USP34: variants seen among roughly 807,000 people sequenced by gnomAD.
USP34 encodes ubiquitin specific peptidase 34.
USP34 carries 70 observed loss-of-function variants against 460.3 expected under a neutral mutation model. The ratio of observed to expected loss-of-function variants is 0.15; its 90% confidence interval spans 0.13 to 0.19. The LOEUF (loss-of-function observed/expected upper bound fraction) is 0.19, where lower values mean the gene tolerates loss of function less well. USP34 is among the 10% of genes least tolerant of loss of function. The pLI, the probability that USP34 is intolerant of heterozygous loss-of-function variation, is 1.00. For missense variants in USP34, 3,985 were observed against 4,236.2 expected (o/e 0.94, Z 1.65); for synonymous variants, 1,647 against 1,405.3 (o/e 1.17, Z -3.85).
chr2:61,395,773 G>A (rs1450654000), intron 3 of USP34, among the ~76,000 whole-genome samples: 1 of 102,202 alleles, frequency 9.8e-6, no homozygotes, highest in African/African-American at 4.2e-5. Flanking sequence ...GCGACAGAAC[G>A]AGACTCCGTC....
intron 62 of USP34, 78 bp from the exon 63 acceptor site, chr2:61,223,374 ATTG>A: frequency 7.2e-7 from 1 of 1,390,310 alleles, no homozygotes; most frequent in Non-Finnish European, 9.9e-7. Context: ...TGTATCAAAA[ATTG>A]TTGATTCAAT....
chr2:61,440,947 G>A (rs1224660601), intron 1 of USP34, among the ~76,000 whole-genome samples: 3 of 151,564 alleles, frequency 2.0e-5, no homozygotes, highest in African/African-American at 7.3e-5. Context: ...CTAACACGGT[G>A]AAACCCCGTC....
At chr2:61,369,161 T>A (rs756022128) in intron 10 of USP34, among the ~76,000 whole-genome samples, 6 of 152,174 alleles carry the variant, frequency 3.9e-5, no homozygotes, top group Non-Finnish European at 5.9e-5. Flanking sequence ...TAATTTAATG[T>A]GCTGACAAAA....
At chr2:61,340,214 A>C (rs1006752620) in intron 16 of USP34, among the ~76,000 whole-genome samples, 5 of 129,862 alleles carry the variant, frequency 3.9e-5, no homozygotes, top group Non-Finnish European at 8.6e-5. Flanking sequence ...TTAAAAAAAA[A>C]CTTAACACTA....
intron 2 of USP34, among the ~76,000 whole-genome samples, chr2:61,419,491 A>C (rs979179365): frequency 2.0e-5 from 3 of 152,324 alleles, no homozygotes; most frequent in Non-Finnish European, 2.9e-5. Context: ...TTGGTTAAAA[A>C]TTCTTAATAC....
intron 12 of USP34, among the ~76,000 whole-genome samples, chr2:61,349,869 A>C (rs1356117730): frequency 6.8e-6 from 1 of 146,352 alleles, no homozygotes; most frequent in East Asian, 2.0e-4. Flanking sequence ...CAACAACAAC[A>C]AAAAAACCCC....
intron 43 of USP34, among the ~76,000 whole-genome samples, chr2:61,262,117 ATATAT>A (rs1412957829): frequency 4.4e-5 from 2 of 45,150 alleles, no homozygotes; most frequent in African/African-American, 1.1e-4. Context: ...AAAAAAAAAA[ATATAT>A]ATATATATAT....
chr2:61,309,763 A>G (rs1427257660), intron 27 of USP34, among the ~76,000 whole-genome samples: 2 of 152,204 alleles, frequency 1.3e-5, no homozygotes, highest in South Asian at 2.1e-4. Flanking sequence ...TTCTATGAAG[A>G]TACTACTGTT....
intron 16 of USP34, among the ~76,000 whole-genome samples, chr2:61,343,000 G>C (rs1691653094): frequency 1.3e-5 from 2 of 152,134 alleles, no homozygotes; most frequent in African/African-American, 4.8e-5. Flanking sequence ...AACCTAGACA[G>C]ATCATGTACA....
At chr2:61,331,900 C>T (rs1013825795) in intron 19 of USP34, among the ~76,000 whole-genome samples, 3 of 151,930 alleles carry the variant, frequency 2.0e-5, no homozygotes, top group Non-Finnish European at 4.4e-5. Flanking sequence ...TCCATAACTT[C>T]CATAATTAAC....
chr2:61,317,868 C>T, intron 22 of USP34, 101 bp from the exon 23 acceptor site: 1 of 782,918 alleles, frequency 1.3e-6, no homozygotes, highest in Non-Finnish European at 2.0e-6. Flanking sequence ...TAGAAGGAAA[C>T]AGATCAGTTT....
At chr2:61,282,866 T>C (rs1048664659) in intron 37 of USP34, among the ~76,000 whole-genome samples, 2 of 152,120 alleles carry the variant, frequency 1.3e-5, no homozygotes, top group South Asian at 2.1e-4. Flanking sequence ...TCTCAAGCCC[T>C]TCCTACTACC....
At chr2:61,365,292 C>CACACACA (rs754663268) in intron 10 of USP34, among the ~76,000 whole-genome samples, 2 of 142,096 alleles carry the variant, frequency 1.4e-5, no homozygotes, top group African/African-American at 5.4e-5. Flanking sequence ...CACACACACA[C>CACACACA]GTGTGTTTAT....
At chr2:61,254,211 T>TC (rs2103889514) in intron 48 of USP34, among the ~76,000 whole-genome samples, 2 of 152,378 alleles carry the variant, frequency 1.3e-5, no homozygotes, top group South Asian at 4.1e-4. Flanking sequence ...TTGATTATTT[T>TC]CTTCTTGAGA....
chr2:61,251,119 TCAAG>T (rs764314504), intron 48 of USP34, among the ~76,000 whole-genome samples: 1 of 151,996 alleles, frequency 6.6e-6, no homozygotes, highest in Non-Finnish European at 1.5e-5. Context: ...GCCTGGGTGA[TCAAG>T]CGAGACTCCA....
intron 1 of USP34, among the ~76,000 whole-genome samples, chr2:61,427,600 G>A (rs1004773079): frequency 5.9e-5 from 9 of 152,100 alleles, no homozygotes; most frequent in Admixed American, 2.6e-4. Context: ...TAACACAGAA[G>A]GAATACAGAA....
intron 7 of USP34, among the ~76,000 whole-genome samples, chr2:61,378,938 C>G (rs796998449): frequency 3.8e-4 from 18 of 47,294 alleles, no homozygotes; most frequent in Non-Finnish European, 8.5e-5. Flanking sequence ...AAAAAAAAAA[C>G]AACACTAAAT....
intron 2 of USP34, among the ~76,000 whole-genome samples, chr2:61,420,220 T>C (rs1361002949): frequency 6.6e-6 from 1 of 152,234 alleles, no homozygotes; most frequent in Non-Finnish European, 1.5e-5. Flanking sequence ...AAAAAATTAT[T>C]AGCAAAGACT....
intron 29 of USP34, among the ~76,000 whole-genome samples, chr2:61,297,156 G>A (rs1423578086): frequency 6.6e-6 from 1 of 152,138 alleles, no homozygotes; most frequent in Non-Finnish European, 1.5e-5. Context: ...TTTCCTCTAA[G>A]ACTGATCATG....
Sources: allele counts gnomAD v4.1 joint callset (sites outside exome capture counted in the v4.1 genomes callset), GRCh38; gene constraint gnomAD v4.1.1; transcripts MANE v1.5; gene names NCBI Gene and HGNC (gene_info 2026-07-23, HGNC 2026-07-21).